The following SLC1A2 variants were observed in gnomAD, a reference collection of about 807,000 sequenced individuals.
SLC1A2 encodes the protein excitatory amino acid transporter 2.
In SLC1A2, 15 loss-of-function variants were observed where a neutral mutation model predicts 48.8. The observed-to-expected ratio is 0.31, with a 90% CI of 0.21 to 0.47. SLC1A2 has a LOEUF of 0.47. SLC1A2 is among the 20% of genes least tolerant of loss of function. SLC1A2 has a pLI of 0.99. For missense variants in SLC1A2, 502 were observed against 730.5 expected (o/e 0.69, Z 3.61); for synonymous variants, 279 against 272.6 (o/e 1.02, Z -0.23).
intron 1 of SLC1A2, among the ~76,000 whole-genome samples, chr11:35,416,707 AATGT>A (rs1291092219): frequency 2.0e-5 from 3 of 152,366 alleles, no homozygotes; most frequent in Middle Eastern, 3.4e-3. Flanking sequence ...CCTTCTCAGT[AATGT>A]ATGTTTCAAG....
At chr11:35,306,438 A>T (rs904516081) in intron 4 of SLC1A2, among the ~76,000 whole-genome samples, 196 bp from the exon 5 acceptor site, 2 of 152,238 alleles carry the variant, frequency 1.3e-5, no homozygotes, top group Admixed American at 6.5e-5. Context: ...ATACACAGTG[A>T]GATACAATTG....
intron 4 of SLC1A2, among the ~76,000 whole-genome samples, chr11:35,309,561 C>T (rs1476063731): frequency 6.6e-6 from 1 of 152,172 alleles, no homozygotes; most frequent in Non-Finnish European, 1.5e-5. Context: ...CTTGGGCAAA[C>T]CAGGCCCTGT....
intron 1 of SLC1A2, among the ~76,000 whole-genome samples, chr11:35,389,167 A>C (rs1199816153): frequency 6.6e-6 from 1 of 152,228 alleles, no homozygotes; most frequent in Non-Finnish European, 1.5e-5. Flanking sequence ...AAGAGTCAAT[A>C]AAAGAATCAA....
intron 3 of SLC1A2, among the ~76,000 whole-genome samples, chr11:35,313,801 G>A (rs1464517454): frequency 1.3e-5 from 2 of 152,156 alleles, no homozygotes; most frequent in African/African-American, 2.4e-5. Context: ...TAGCCCCTAA[G>A]TGCCTGATCC....
rs200968484 is a variant in SLC1A2 at position 35,280,986 on chromosome 11, C to T, written c.1302G>A (p.Leu434=). The T allele has an allele frequency of 1.1e-3, 1,695 of 1,609,732 alleles. 29 individuals carry two copies. In the South Asian group the frequency reaches 0.018, roughly 17 times the overall value. Residue 434 remains leucine (L), a synonymous_variant, in exon 9 of 11, where the codon CTG becomes CTA. Coordinates refer to ENST00000278379, the MANE Select transcript of SLC1A2 (RefSeq NM_004171.4). The part of the protein sequence containing the change: ...QIVTVSLTAT[L]ASVGAASIPS... ...GGATACTGGCCGCGCCGACGCTTGCCAGGGTGGCTGTGAGGCTATGAGAAC... is the reference window on the plus strand; with the variant it reads ...GGATACTGGCCGCGCCGACGCTTGCTAGGGTGGCTGTGAGGCTATGAGAAC...
intron 1 of SLC1A2, among the ~76,000 whole-genome samples, chr11:35,331,156 T>C (rs919002829): frequency 1.3e-5 from 2 of 152,168 alleles, no homozygotes; most frequent in African/African-American, 4.8e-5. Context: ...CTTCCTGAGA[T>C]GTAGGCTGAA....
intron 1 of SLC1A2, among the ~76,000 whole-genome samples, chr11:35,346,329 C>T (rs1375330392): frequency 6.6e-6 from 1 of 152,174 alleles, no homozygotes; most frequent in South Asian, 2.1e-4. Flanking sequence ...CCTTAGTCTC[C>T]ATGGGCTACT....
chr11:35,315,100 A>G lies in SLC1A2; in HGVS notation c.233T>C (p.Ile78Thr), dbSNP rs1851829064. ...SPIHPDVVML[I>T]AFPGDILMRM... ...CATGAGTATATCCCCTGGGAAGGCT[A>G]TTAACATAACCACATCAGGGTGGAT... The change falls in exon 3 of 11, where the codon ATA (isoleucine) becomes ACA (threonine). Residue 78 changes from isoleucine to threonine, a missense_variant. Physicochemically the swap from Ile to Thr is moderately conservative, Grantham distance 89. Transcript: ENST00000278379. 6.2e-7 allele frequency: 1 copy of G among 1,612,646 alleles called. No homozygotes were observed. The highest frequency in any genetic ancestry group is 8.5e-7 in the Non-Finnish European group (1 of 1,178,728).
chr11:35,307,019 C>G (rs796220107), intron 4 of SLC1A2: 1 of 152,228 alleles, frequency 6.6e-6, no homozygotes, highest in South Asian at 2.1e-4. Context: ...CTTGGATGCT[C>G]TTCCCAATTG....
intron 4 of SLC1A2, chr11:35,307,205 G>A (rs926101528): frequency 2.3e-5 from 2 of 88,486 alleles, no homozygotes; most frequent in Non-Finnish European, 4.8e-5. Context: ...GCCTCAGTTT[G>A]GGCTCCTTCT....
chr11:35,293,050 G>T (rs1311656205), intron 6 of SLC1A2, among the ~76,000 whole-genome samples: 1 of 152,032 alleles, frequency 6.6e-6, no homozygotes, highest in Non-Finnish European at 1.5e-5. Flanking sequence ...TTAGAGAAAA[G>T]TGGTTTTATG....
chr11:35,373,640 G>A (rs575667235), intron 1 of SLC1A2, among the ~76,000 whole-genome samples: 7 of 152,340 alleles, frequency 4.6e-5, no homozygotes, highest in African/African-American at 1.4e-4. Flanking sequence ...CTGCAACAAG[G>A]TGAGGGGCTG....
chr11:35,407,585 T>G (rs1855337972), intron 1 of SLC1A2, among the ~76,000 whole-genome samples: 1 of 152,192 alleles, frequency 6.6e-6, no homozygotes, highest in Non-Finnish European at 1.5e-5. Flanking sequence ...CTCCACCCAT[T>G]CTCAACCCAC....
At chr11:35,399,515 G>A in intron 1 of SLC1A2, 1 of 549,710 alleles carries the variant, frequency 1.8e-6, no homozygotes, top group Non-Finnish European at 2.3e-6. Context: ...GTAGAGCTAG[G>A]AGAAGGAGGA....
chr11:35,348,484 G>A (rs1853120928), intron 1 of SLC1A2, among the ~76,000 whole-genome samples: 1 of 152,134 alleles, frequency 6.6e-6, no homozygotes, highest in African/African-American at 2.4e-5. Context: ...TCCTGACATA[G>A]ATGGGAGGAA....
At chr11:35,379,040 CCAA>C (rs1329613347) in intron 1 of SLC1A2, among the ~76,000 whole-genome samples, 2 of 152,088 alleles carry the variant, frequency 1.3e-5, no homozygotes, top group Non-Finnish European at 2.9e-5. Context: ...ACCAGCCTGG[CCAA>C]CATGGAGAAA....
At chr11:35,305,363 T>A (rs983889977) in intron 5 of SLC1A2, among the ~76,000 whole-genome samples, 1 of 152,210 alleles carries the variant, frequency 6.6e-6, no homozygotes, top group Non-Finnish European at 1.5e-5. Context: ...CACAGTAATC[T>A]ACAAAATAGA....
In SLC1A2 at chr11:35,252,728, C is replaced by T. The variant is rs1430673757; in HGVS notation, c.*8166G>A. ...AAAACACCGATCAACATGTCTACTGCATTTAGATGAATAGCCAAAAATAAC... is the reference window on the plus strand; with the variant it reads ...AAAACACCGATCAACATGTCTACTGTATTTAGATGAATAGCCAAAAATAAC... On this transcript the variant is annotated 3_prime_UTR_variant, in exon 11 of 11. Transcript: ENST00000278379. 1 of 152,624 alleles carries T rather than the reference C, an allele frequency of 6.6e-6. No homozygotes were observed. Among genetic ancestry groups the T allele is most frequent in the Admixed American group, 6.5e-5 (1 of 15,282 alleles). The allele number at this position is 152,624 out of a possible 1,614,324, so 9.5% of individuals were successfully genotyped here.
chr11:35,311,973 T>C (rs576394403), intron 4 of SLC1A2, among the ~76,000 whole-genome samples: 3 of 120,068 alleles, frequency 2.5e-5, no homozygotes, highest in Non-Finnish European at 3.3e-5. Context: ...AGCAAAAATA[T>C]ATTAAGTGAG....
Sources: allele counts gnomAD v4.1 joint callset (sites outside exome capture counted in the v4.1 genomes callset), GRCh38; gene constraint gnomAD v4.1.1; transcripts MANE v1.5; gene names NCBI Gene and HGNC (gene_info 2026-07-23, HGNC 2026-07-21).